DZIP1L: variants seen among roughly 807,000 people sequenced by gnomAD.
The protein encoded by DZIP1L is cilium assembly protein DZIP1L.
In DZIP1L, 90 loss-of-function variants were observed where a neutral mutation model predicts 88.7. The ratio of observed to expected loss-of-function variants is 1.02; its 90% CI spans 0.86 to 1.21. The LOEUF (loss-of-function observed/expected upper bound fraction) is 1.21. Among genes scored for constraint, DZIP1L ranks in the 50% most tolerant of loss-of-function variants. The pLI, the probability that DZIP1L is intolerant of heterozygous loss-of-function variation, is 0.00. For synonymous variants in DZIP1L, 363 were observed against 372.1 expected (o/e 0.98, Z 0.28); for missense variants, 932 against 955.8 (o/e 0.98, Z 0.33).
intron 5 of DZIP1L, among the ~76,000 whole-genome samples, chr3:138,091,495 G>A (rs1288038670): frequency 6.6e-6 from 1 of 151,630 alleles, no homozygotes; most frequent in Non-Finnish European, 1.5e-5. Flanking sequence ...GCACACGCCT[G>A]TAATCCCAGT....
Position 138,092,304 on chromosome 3 carries a change from A to G in DZIP1L, c.870+79T>C, listed in dbSNP as rs557912590. On this transcript the variant is annotated intron_variant, in intron 5 of 15. Transcript: ENST00000327532. ...TAGCTTCCAACAGCAGATGAAATAAAACCAGTACAAACTAAGAAATTTTGA... is the reference window on the plus strand; with the variant it reads ...TAGCTTCCAACAGCAGATGAAATAAGACCAGTACAAACTAAGAAATTTTGA... 3.5e-6 allele frequency: 5 copies of G among 1,414,150 alleles called. No homozygotes were observed. The East Asian group carries it at 1.3e-4, about 36-fold the overall frequency. The allele number at this position is 1,414,150 out of a possible 1,614,324, so 87.6% of individuals were successfully genotyped here.
At chr3:138,103,371 C>T (rs1412230515) in intron 2 of DZIP1L, 100 bp downstream of exon 2, 12 of 1,339,620 alleles carry the variant, frequency 9.0e-6, no homozygotes, top group Non-Finnish European at 1.2e-5. Flanking sequence ...AGCCCCCCAG[C>T]AGCCTTAAGG....
intron 2 of DZIP1L, chr3:138,102,731 T>C (rs2042359541): frequency 2.5e-6 from 2 of 798,180 alleles, no homozygotes; most frequent in African/African-American, 1.7e-5. Context: ...ATGGCAGTGA[T>C]GCCTCCCATG....
chr3:138,088,493 CA>C lies in DZIP1L; in HGVS notation c.884del (p.Leu295ArgfsTer6), dbSNP rs1452578506. The stretch of plus-strand genomic sequence containing the variant: ...TGGACTCCATCACACTGTGGGACTG[CA>C]GTGCCCGCAGTTTCTGAAAAGGCCA... ...NSTLEEKLRA[L>X]QSHSVMESKL... On this transcript the variant is annotated frameshift_variant, in exon 6 of 16. Coordinates refer to ENST00000327532, the MANE Select transcript of DZIP1L (RefSeq NM_173543.3). LOFTEE classifies it high-confidence loss of function. 6.2e-7 allele frequency: 1 copy of C among 1,613,172 alleles called. No homozygotes were observed. The highest frequency in any genetic ancestry group is 8.5e-7 in the Non-Finnish European group (1 of 1,179,608).
At chr3:138,073,514 G>A (rs140907890) in intron 11 of DZIP1L, among the ~76,000 whole-genome samples, 2,056 of 152,216 alleles carry the variant, frequency 0.014, 18 homozygotes, top group Non-Finnish European at 0.021. Flanking sequence ...AGGGGAAGGG[G>A]GAGAGCACTA....
chr3:138,103,481 C>CT lies in DZIP1L; in HGVS notation c.490dup (p.Ser164LysfsTer9), dbSNP rs755402123. On this transcript the variant is annotated frameshift_variant, in exon 2 of 16. Coordinates refer to ENST00000327532, the MANE Select transcript of DZIP1L (RefSeq NM_173543.3). LOFTEE classifies it high-confidence loss of function. Reference sequence around the variant, plus strand: ...GTGGAGATTCCTCACCGTGTGGTAGCTGTGGGTGCCTGTCTGCATTAGCAG... The same window carrying CT: ...GTGGAGATTCCTCACCGTGTGGTAGCTTGTGGGTGCCTGTCTGCATTAGCAG... The CT allele has an allele frequency of 6.2e-7, 1 of 1,600,324 alleles. No individual in the cohort carries two copies. Among genetic ancestry groups the CT allele is most frequent in the African/African-American group, 1.3e-5 (1 of 74,876 alleles).
At chr3:138,097,006 C>T (rs1944503735) in intron 3 of DZIP1L, among the ~76,000 whole-genome samples, 1 of 151,840 alleles carries the variant, frequency 6.6e-6, no homozygotes, top group African/African-American at 2.4e-5. Flanking sequence ...ACAGTGAGAC[C>T]TCATCTCTAT....
rs895954127 is a variant in DZIP1L at position 138,089,291 on chromosome 3, G to C, written c.871-784C>G. ...TCCCTGAATATTTTCAGAGTCAAAT[G>C]CTTGATCAGATGTATGCACAACTCC... On this transcript the variant is annotated intron_variant, in intron 5 of 15. Transcript: ENST00000327532. The C allele has an allele frequency of 1.4e-5, 14 of 985,056 alleles. No homozygotes were observed. The African/African-American group carries it at 2.1e-4, about 15-fold the overall frequency. The allele number at this position is 985,056 out of a possible 1,614,324, so 61.0% of individuals were successfully genotyped here.
At chr3:138,067,828 G>T in intron 13 of DZIP1L, 128 bp from the exon 14 acceptor site, 1 of 1,135,974 alleles carries the variant, frequency 8.8e-7, no homozygotes, top group Non-Finnish European at 1.2e-6. Context: ...CTCAGGCCCA[G>T]AAGACAGCCA....
chr3:138,093,228 C>T (rs1174806191), intron 4 of DZIP1L, among the ~76,000 whole-genome samples: 1 of 152,212 alleles, frequency 6.6e-6, no homozygotes, highest in African/African-American at 2.4e-5. Flanking sequence ...TCTCCTTGTA[C>T]ATCTCCACCA....
chr3:138,083,142 G>A (rs937340576), intron 8 of DZIP1L, among the ~76,000 whole-genome samples: 1 of 152,184 alleles, frequency 6.6e-6, no homozygotes, highest in African/African-American at 2.4e-5. Context: ...TAACATACAG[G>A]ACATTACAGC....
intron 6 of DZIP1L, 128 bp downstream of exon 6, chr3:138,088,251 C>A: frequency 1.5e-6 from 2 of 1,300,844 alleles, no homozygotes; most frequent in South Asian, 3.3e-5. Context: ...CATGTACTGG[C>A]AGAAGGTCTG....
intron 1 of DZIP1L, among the ~76,000 whole-genome samples, chr3:138,115,008 G>C (rs2107877103): frequency 6.6e-6 from 1 of 152,288 alleles, no homozygotes; most frequent in African/African-American, 2.4e-5. Flanking sequence ...ACCCAAGGCC[G>C]TCTTCCCAGT....
At chr3:138,102,165 C>T (rs991808889) in intron 2 of DZIP1L, 1 of 1,378,740 alleles carries the variant, frequency 7.3e-7, no homozygotes, top group South Asian at 1.2e-5. Context: ...CAGGGAGTGA[C>T]TGTTGTCCAT....
intron 9 of DZIP1L, among the ~76,000 whole-genome samples, chr3:138,081,416 A>G (rs1156392288): frequency 1.3e-5 from 2 of 152,130 alleles, no homozygotes; most frequent in African/African-American, 4.8e-5. Context: ...TCCTGATTTT[A>G]CTCATTCGCT....
chr3:138,088,768 T>A, intron 5 of DZIP1L: 1 of 1,118,786 alleles, frequency 8.9e-7, no homozygotes, highest in Non-Finnish European at 1.1e-6. Flanking sequence ...TTCACTTAAA[T>A]TCTGCTATAC....
At chr3:138,071,548 G>T (rs1323431046) in intron 12 of DZIP1L, 95 bp downstream of exon 12, 3 of 1,400,530 alleles carry the variant, frequency 2.1e-6, no homozygotes, top group East Asian at 4.8e-5. Flanking sequence ...CCTAATGGGG[G>T]ACAGAGACTA....
intron 14 of DZIP1L, among the ~76,000 whole-genome samples, chr3:138,066,226 T>G (rs1407929928): frequency 1.3e-5 from 2 of 152,236 alleles, no homozygotes; most frequent in Non-Finnish European, 2.9e-5. Flanking sequence ...TCTTGAAAAC[T>G]ATATTTGTCA....
At chr3:138,079,629 C>T (rs1174238722) in intron 10 of DZIP1L, among the ~76,000 whole-genome samples, 2 of 152,152 alleles carry the variant, frequency 1.3e-5, no homozygotes. Flanking sequence ...AATGAGAAAC[C>T]ATTAACAGTG....
Sources: allele counts gnomAD v4.1 joint callset (sites outside exome capture counted in the v4.1 genomes callset), GRCh38; gene constraint gnomAD v4.1.1; transcripts MANE v1.5; gene names NCBI Gene and HGNC (gene_info 2026-07-23, HGNC 2026-07-21).